The following FOXN3 variants were observed in gnomAD, a reference collection of about 807,000 sequenced individuals.
FOXN3 encodes the protein forkhead box protein N3.
Under a neutral mutation model 38.4 loss-of-function variants are expected in FOXN3, and 7 were observed. The ratio of observed to expected loss-of-function variants is 0.18; its 90% CI spans 0.10 to 0.34. The LOEUF (loss-of-function observed/expected upper bound fraction) is 0.34, where lower values mean the gene tolerates loss of function less well. Ranked by LOEUF, FOXN3 falls within the 10% of genes least tolerant of loss-of-function variation. The probability of loss-of-function intolerance (pLI) is 1.00; values close to 1 mark genes in which losing one functional copy is unlikely to be tolerated. For missense variants in FOXN3, 456 were observed against 613.4 expected, an observed-to-expected ratio of 0.74 and a Z score of 2.71; for synonymous variants, 230 against 242.2, an observed-to-expected ratio of 0.95 and a Z score of 0.47.
intron 1 of FOXN3, among the ~76,000 whole-genome samples, chr14:89,522,023 AAAAAAG>A (rs1894329518): frequency 6.6e-6 from 1 of 151,894 alleles, no homozygotes; most frequent in South Asian, 2.1e-4. Flanking sequence ...CTGTCTCAAA[AAAAAAG>A]AAAAAAGAAA....
At chr14:89,327,322 G>A (rs1319313404) in intron 3 of FOXN3, among the ~76,000 whole-genome samples, 1 of 152,128 alleles carries the variant, frequency 6.6e-6, no homozygotes, top group Non-Finnish European at 1.5e-5. Context: ...CCCTGACTGG[G>A]TGCCCCTTGC....
At chr14:89,233,109 A>C (rs1321177042) in intron 4 of FOXN3, among the ~76,000 whole-genome samples, 3 of 152,244 alleles carry the variant, frequency 2.0e-5, no homozygotes, top group Non-Finnish European at 4.4e-5. Flanking sequence ...TGTGCAAGCA[A>C]TGTACCTTGT....
chr14:89,283,920 G>A (rs1886537616), intron 3 of FOXN3, among the ~76,000 whole-genome samples: 1 of 152,130 alleles, frequency 6.6e-6, no homozygotes, highest in Non-Finnish European at 1.5e-5. Flanking sequence ...GAGTGCAGTG[G>A]TGCGATCTCA....
intron 1 of FOXN3, among the ~76,000 whole-genome samples, chr14:89,431,917 G>C (rs554682906): frequency 6.6e-6 from 1 of 152,182 alleles, no homozygotes; most frequent in East Asian, 1.9e-4. Context: ...GTTTCACCAT[G>C]TTGGTCAGGC....
chr14:89,364,590 A>G (rs1381081914), intron 2 of FOXN3: 1 of 152,158 alleles, frequency 6.6e-6, no homozygotes, highest in Non-Finnish European at 1.5e-5. Flanking sequence ...GAATATTTCA[A>G]ACTCACCGAC....
intron 4 of FOXN3, among the ~76,000 whole-genome samples, chr14:89,196,642 C>T (rs1290129660): frequency 6.6e-6 from 1 of 152,206 alleles, no homozygotes; most frequent in Non-Finnish European, 1.5e-5. Context: ...CAGCTAACAG[C>T]CTTAGTAAGG....
intron 4 of FOXN3, among the ~76,000 whole-genome samples, chr14:89,211,857 A>G (rs1884102185): frequency 1.3e-5 from 2 of 152,174 alleles, no homozygotes; most frequent in Non-Finnish European, 2.9e-5. Flanking sequence ...CTGAATGTTT[A>G]TGTCTCCCTA....
At chr14:89,459,149 A>C (rs1892787364) in intron 1 of FOXN3, among the ~76,000 whole-genome samples, 1 of 152,030 alleles carries the variant, frequency 6.6e-6, no homozygotes, top group African/African-American at 2.4e-5. Context: ...GTGCTTGGTG[A>C]ATCAGGAAAA....
upstream of FOXN3, chr14:89,417,895 G>A (rs990924040): frequency 2.7e-6 from 1 of 367,278 alleles, no homozygotes; most frequent in Non-Finnish European, 5.6e-6. Flanking sequence ...GGCCACGCCG[G>A]TGGGGCCTCT....
chr14:89,215,227 T>TA (rs1434766982), intron 4 of FOXN3, among the ~76,000 whole-genome samples: 2 of 151,370 alleles, frequency 1.3e-5, no homozygotes, highest in Non-Finnish European at 1.5e-5. Flanking sequence ...GGGTTAGAGT[T>TA]AAAAAAAAGA....
At chr14:89,180,650 C>G in intron 5 of FOXN3, 51 bp downstream of exon 5, 1 of 1,352,592 alleles carries the variant, frequency 7.4e-7, no homozygotes, top group African/African-American at 1.5e-5. Flanking sequence ...GGACAGAAAG[C>G]TGCCCTTCCC....
chr14:89,351,932 CTG>C (rs1172346660), intron 2 of FOXN3, among the ~76,000 whole-genome samples: 1 of 152,322 alleles, frequency 6.6e-6, no homozygotes, highest in African/African-American at 2.4e-5. Flanking sequence ...TTAAAAAAAT[CTG>C]TGTTTCATCA....
intron 3 of FOXN3, among the ~76,000 whole-genome samples, chr14:89,333,991 T>C (rs1813721010): frequency 1.5e-5 from 1 of 67,130 alleles, no homozygotes; most frequent in South Asian, 6.5e-4. Context: ...TATATATATA[T>C]ATATATATAT....
chr14:89,559,879 G>T (rs541839800), intron 1 of FOXN3, among the ~76,000 whole-genome samples: 14 of 152,270 alleles, frequency 9.2e-5, no homozygotes, highest in African/African-American at 3.4e-4. Flanking sequence ...CACTTCAGGG[G>T]AGGAGGAGGT....
At chr14:89,273,817 A>G (rs1008750319) in intron 4 of FOXN3, among the ~76,000 whole-genome samples, 1 of 152,252 alleles carries the variant, frequency 6.6e-6, no homozygotes, top group African/African-American at 2.4e-5. Context: ...CAGAACAATA[A>G]GACAAATGAT....
chr14:89,233,016 C>T (rs572080946), intron 4 of FOXN3, among the ~76,000 whole-genome samples: 3 of 152,266 alleles, frequency 2.0e-5, no homozygotes, highest in Admixed American at 2.0e-4. Flanking sequence ...CCTGTGCTGC[C>T]GAGCAAAATG....
chr14:89,304,515 TTC>T (rs1231849931), intron 3 of FOXN3, among the ~76,000 whole-genome samples: 7 of 152,122 alleles, frequency 4.6e-5, no homozygotes, highest in African/African-American at 1.7e-4. Flanking sequence ...TTTTTAAAAA[TTC>T]TGTTAAAAAT....
intron 1 of FOXN3, among the ~76,000 whole-genome samples, chr14:89,570,972 A>G (rs766096422): frequency 3.9e-5 from 6 of 152,206 alleles, no homozygotes; most frequent in Admixed American, 2.0e-4. Context: ...AATTTTAACT[A>G]TAACTATCCA....
intron 4 of FOXN3, among the ~76,000 whole-genome samples, chr14:89,189,094 C>A (rs1232031974): frequency 2.6e-5 from 4 of 152,080 alleles, no homozygotes; most frequent in African/African-American, 9.7e-5. Flanking sequence ...GAACAAGTCT[C>A]CCTGAGAATG....
Sources: allele counts gnomAD v4.1 joint callset (sites outside exome capture counted in the v4.1 genomes callset), GRCh38; gene constraint gnomAD v4.1.1; transcripts MANE v1.5; gene names NCBI Gene and HGNC (gene_info 2026-07-23, HGNC 2026-07-21).